The following RFPL1 variants were observed in gnomAD, a reference collection of about 807,000 sequenced individuals.
RFPL1 encodes ret finger protein like 1.
In RFPL1, 6 loss-of-function variants were observed where a neutral mutation model predicts 9.6. The ratio of observed to expected loss-of-function variants is 0.62; its 90% CI spans 0.34 to 1.23. RFPL1 has a LOEUF of 1.23. Among genes scored for constraint, RFPL1 ranks in the 50% most tolerant of loss-of-function variants. RFPL1 has a pLI of 0.03. For missense variants in RFPL1, 352 were observed against 398.4 expected, an observed-to-expected ratio of 0.88 and a Z score of 0.99; for synonymous variants, 145 against 149.4, an observed-to-expected ratio of 0.97 and a Z score of 0.22.
the RFPL1 span, among the ~76,000 whole-genome samples, chr22:29,389,123 G>A: frequency 6.6e-6 from 1 of 152,056 alleles, no homozygotes; most frequent in Non-Finnish European, 1.5e-5. Context: ...TCATGGACCC[G>A]AGAGATCCTC....
chr22:29,408,540 T>C, the RFPL1 span, among the ~76,000 whole-genome samples: 31 of 152,308 alleles, frequency 2.0e-4, no homozygotes, highest in African/African-American at 7.2e-4. Flanking sequence ...CACACGGCGG[T>C]GTGGAGGAGA....
the RFPL1 span, among the ~76,000 whole-genome samples, chr22:29,415,638 G>A: frequency 6.6e-6 from 1 of 152,350 alleles, no homozygotes; most frequent in East Asian, 1.9e-4. Flanking sequence ...CTCAGACACC[G>A]GGTTAAACAA....
At chr22:29,424,968 G>A in the RFPL1 span, among the ~76,000 whole-genome samples, 4 of 151,648 alleles carry the variant, frequency 2.6e-5, no homozygotes, top group Non-Finnish European at 4.4e-5. Context: ...ACTTTGGGAG[G>A]CCCAGGCGGG....
At chr22:29,410,510 G>T in the RFPL1 span, among the ~76,000 whole-genome samples, 9 of 108,276 alleles carry the variant, frequency 8.3e-5, no homozygotes, top group South Asian at 2.5e-4. Flanking sequence ...TATATAGAGA[G>T]ATATATATTG....
exon 1 of RFPL1, chr22:29,438,592 C>G: frequency 1.4e-6 from 2 of 1,422,186 alleles, no homozygotes; most frequent in South Asian, 3.1e-5. Context: ...TGCCGTGTCA[C>G]TGGCTCAGGC....
the RFPL1 span, among the ~76,000 whole-genome samples, chr22:29,391,769 G>A: frequency 3.9e-5 from 6 of 152,186 alleles, no homozygotes; most frequent in Non-Finnish European, 8.8e-5. Flanking sequence ...AAAACCTCAC[G>A]GGCCCACCCC....
At chr22:29,400,879 T>C in the RFPL1 span, among the ~76,000 whole-genome samples, 1 of 152,192 alleles carries the variant, frequency 6.6e-6, no homozygotes, top group Non-Finnish European at 1.5e-5. Flanking sequence ...AGGTATAAAG[T>C]ACCTACTGAC....
the RFPL1 span, among the ~76,000 whole-genome samples, chr22:29,431,668 G>T: frequency 6.6e-6 from 1 of 151,094 alleles, no homozygotes; most frequent in Non-Finnish European, 1.5e-5. Flanking sequence ...TTATTTCAGC[G>T]TGTAATCAAT....
At chr22:29,413,584 T>C in the RFPL1 span, among the ~76,000 whole-genome samples, 4 of 152,346 alleles carry the variant, frequency 2.6e-5, no homozygotes, top group East Asian at 5.8e-4. Flanking sequence ...CAATGCTTCC[T>C]GTATGTTTAT....
the RFPL1 span, among the ~76,000 whole-genome samples, chr22:29,420,154 C>G: frequency 6.6e-6 from 1 of 152,330 alleles, no homozygotes; most frequent in African/African-American, 2.4e-5. Context: ...AGTGGTTGCT[C>G]AGCTCTGAAA....
At chr22:29,437,173 T>A (rs1330094905), upstream of RFPL1, 1 of 158,964 alleles carries the variant, frequency 6.3e-6, no homozygotes, top group African/African-American at 2.4e-5. Context: ...TTTTTTCCTA[T>A]GAATTATGAA....
chr22:29,391,238 C>G, the RFPL1 span, among the ~76,000 whole-genome samples: 4 of 152,054 alleles, frequency 2.6e-5, no homozygotes, highest in African/African-American at 4.8e-5. Flanking sequence ...GTGCTGGGGA[C>G]TGGAAGTCTA....
exon 1 of RFPL1, chr22:29,438,999 G>C: frequency 6.2e-7 from 1 of 1,614,026 alleles, no homozygotes; most frequent in Non-Finnish European, 8.5e-7. Flanking sequence ...ACTGCAGAAG[G>C]AGCCCCATGG....
the RFPL1 span, among the ~76,000 whole-genome samples, chr22:29,411,438 A>G: frequency 6.6e-6 from 1 of 152,212 alleles, no homozygotes; most frequent in Non-Finnish European, 1.5e-5. Context: ...CCCTTGGGCT[A>G]TGTAGAACAA....
chr22:29,394,557 G>A, the RFPL1 span, among the ~76,000 whole-genome samples: 1 of 152,040 alleles, frequency 6.6e-6, no homozygotes, highest in Non-Finnish European at 1.5e-5. Context: ...GGCTAGGCTG[G>A]TCTCGAACCC....
At chr22:29,431,216 C>T in the RFPL1 span, among the ~76,000 whole-genome samples, 1 of 152,062 alleles carries the variant, frequency 6.6e-6, no homozygotes, top group African/African-American at 2.4e-5. Flanking sequence ...AGATTCCTAC[C>T]AAGGGCAGGT....
the RFPL1 span, among the ~76,000 whole-genome samples, chr22:29,396,601 C>T: frequency 6.6e-6 from 1 of 152,088 alleles, no homozygotes; most frequent in African/African-American, 2.4e-5. Context: ...ATCTATAAGT[C>T]CCCCTTAAAT....
the RFPL1 span, among the ~76,000 whole-genome samples, chr22:29,423,408 A>T: frequency 6.7e-6 from 1 of 149,884 alleles, no homozygotes; most frequent in Non-Finnish European, 1.5e-5. Flanking sequence ...CAGAGATGGG[A>T]TCTCACCATG....
chr22:29,441,331 G>C, intron 1 of RFPL1: 1 of 575,880 alleles, frequency 1.7e-6, no homozygotes, highest in East Asian at 2.9e-5. Flanking sequence ...TAAAATAATT[G>C]CTACTGTGAA....
Sources: allele counts gnomAD v4.1 joint callset (sites outside exome capture counted in the v4.1 genomes callset), GRCh38; gene constraint gnomAD v4.1.1; transcripts MANE v1.5; gene names NCBI Gene and HGNC (gene_info 2026-07-23, HGNC 2026-07-21).